The following ATRNL1 variants were observed in gnomAD, a reference collection of about 807,000 sequenced individuals.
ATRNL1 encodes the protein attractin-like protein 1.
ATRNL1 carries 95 observed loss-of-function variants against 182.7 expected under a neutral mutation model. The observed-to-expected ratio is 0.52, with a 90% confidence interval of 0.44 to 0.62. ATRNL1 has a LOEUF of 0.62. Ranked by LOEUF, ATRNL1 falls within the 20% of genes least tolerant of loss-of-function variation. ATRNL1 has a pLI of 0.00. For synonymous variants in ATRNL1, 576 were observed against 568.3 expected (o/e 1.01, Z -0.19); for missense variants, 1,471 against 1,679.5 (o/e 0.88, Z 2.17).
At chr10:115,761,959 G>A (rs1019353630) in intron 27 of ATRNL1, among the ~76,000 whole-genome samples, 6 of 152,006 alleles carry the variant, frequency 3.9e-5, no homozygotes, top group South Asian at 2.1e-4. Context: ...TTACCCACAA[G>A]GGCTCTTTTC....
intron 19 of ATRNL1, among the ~76,000 whole-genome samples, chr10:115,355,415 T>C (rs1261160345): frequency 6.6e-6 from 1 of 152,162 alleles, no homozygotes; most frequent in Non-Finnish European, 1.5e-5. Flanking sequence ...GTACATAGCC[T>C]GGGTAGACTT....
At chr10:115,656,688 C>A (rs782217602) in intron 26 of ATRNL1, among the ~76,000 whole-genome samples, 7 of 152,160 alleles carry the variant, frequency 4.6e-5, no homozygotes, top group African/African-American at 1.7e-4. Flanking sequence ...TATAGTCATG[C>A]AAGTGTATGG....
At chr10:115,773,184 A>C (rs1949036906) in intron 27 of ATRNL1, among the ~76,000 whole-genome samples, 1 of 152,226 alleles carries the variant, frequency 6.6e-6, no homozygotes, top group Non-Finnish European at 1.5e-5. Context: ...AGGGAAGTGC[A>C]CATTGTATAT....
intron 26 of ATRNL1, among the ~76,000 whole-genome samples, chr10:115,602,885 C>T (rs1856684037): frequency 6.6e-6 from 1 of 150,694 alleles, no homozygotes; most frequent in Non-Finnish European, 1.5e-5. Context: ...ATCACAAGTC[C>T]AGTCCCAAAT....
chr10:115,114,798 A>T (rs1232939968), intron 1 of ATRNL1, among the ~76,000 whole-genome samples: 2 of 152,120 alleles, frequency 1.3e-5, no homozygotes, highest in African/African-American at 4.8e-5. Flanking sequence ...GGGAAAGTAA[A>T]TTAGTACAGC....
chr10:115,292,760 A>G (rs1852979596), intron 15 of ATRNL1, among the ~76,000 whole-genome samples: 1 of 152,052 alleles, frequency 6.6e-6, no homozygotes, highest in African/African-American at 2.4e-5. Flanking sequence ...ATTTGTTGAT[A>G]TTTGCTTTGT....
chr10:115,801,921 A>G (rs1949801985), intron 27 of ATRNL1, among the ~76,000 whole-genome samples: 1 of 151,796 alleles, frequency 6.6e-6, no homozygotes, highest in Non-Finnish European at 1.5e-5. Context: ...AACTTAAATT[A>G]TTATGTAGTG....
At chr10:115,844,016 G>A (rs1950871403) in intron 27 of ATRNL1, among the ~76,000 whole-genome samples, 1 of 152,074 alleles carries the variant, frequency 6.6e-6, no homozygotes, top group Admixed American at 6.6e-5. Flanking sequence ...TCATCGGGTA[G>A]GTATTGACAT....
chr10:115,798,371 G>T (rs1407713483), intron 27 of ATRNL1, among the ~76,000 whole-genome samples: 2 of 152,104 alleles, frequency 1.3e-5, no homozygotes, highest in Non-Finnish European at 2.9e-5. Context: ...CTAACTTCCT[G>T]CCTCAAAGCT....
chr10:115,796,581 G>A (rs1949659526), intron 27 of ATRNL1, among the ~76,000 whole-genome samples: 1 of 152,166 alleles, frequency 6.6e-6, no homozygotes, highest in East Asian at 1.9e-4. Context: ...GAGGTAGGTA[G>A]CAGTGCAATA....
chr10:115,161,095 T>C (rs1199853831), intron 6 of ATRNL1, among the ~76,000 whole-genome samples: 2 of 151,966 alleles, frequency 1.3e-5, no homozygotes, highest in South Asian at 2.1e-4. Context: ...TAACAAAAAA[T>C]TGTTTGTTGT....
intron 8 of ATRNL1, among the ~76,000 whole-genome samples, chr10:115,194,271 T>C (rs1242453350): frequency 1.3e-5 from 2 of 152,090 alleles, no homozygotes; most frequent in Admixed American, 6.6e-5. Context: ...CTGGATGATC[T>C]GTCCAATCCT....
At chr10:115,825,078 A>C (rs143654850) in intron 27 of ATRNL1, among the ~76,000 whole-genome samples, 2 of 152,216 alleles carry the variant, frequency 1.3e-5, no homozygotes, top group East Asian at 1.9e-4. Context: ...GGATGAGTTC[A>C]TGTCCTTTGC....
chr10:115,928,199 A>T (rs1237289784), intron 28 of ATRNL1, among the ~76,000 whole-genome samples: 1 of 152,076 alleles, frequency 6.6e-6, no homozygotes, highest in Non-Finnish European at 1.5e-5. Context: ...AGAAAGAGTA[A>T]AGAAAACTGA....
Position 115,265,175 on chromosome 10 carries a change from C to A in ATRNL1, c.1688-18C>A. ...TTCTTTTATTTCATTTTTTGTTTTT[C>A]TGTTTTCTTTTTTCTAGCTTGTGAT... On this transcript the variant is annotated intron_variant, in intron 10 of 28. Coordinates refer to ENST00000355044, the MANE Select transcript of ATRNL1 (RefSeq NM_207303.4). 6.7e-7 allele frequency: 1 copy of A among 1,502,296 alleles called. No homozygotes were observed. Among genetic ancestry groups the A allele is most frequent in the South Asian group, 1.2e-5 (1 of 82,776 alleles). 93.1% of individuals were successfully genotyped at this position (1,502,296 alleles called of 1,614,324 possible). A position where few individuals can be genotyped will look rare whatever the true frequency, so the allele number is the denominator to read the frequency against.
chr10:115,418,735 A>G (rs1237321054), intron 20 of ATRNL1, among the ~76,000 whole-genome samples: 1 of 152,200 alleles, frequency 6.6e-6, no homozygotes, highest in African/African-American at 2.4e-5. Flanking sequence ...GAGATCTAAT[A>G]TAACTGGCAG....
intron 19 of ATRNL1, among the ~76,000 whole-genome samples, chr10:115,345,455 G>A (rs7081522): frequency 0.99 from 151,071 of 152,300 alleles, 74,939 homozygotes; most frequent in Middle Eastern, 1. Flanking sequence ...TTTCCTCCCC[G>A]TATACTGCCA....
At chr10:115,384,437 A>G (rs542992532) in intron 19 of ATRNL1, among the ~76,000 whole-genome samples, 1 of 152,126 alleles carries the variant, frequency 6.6e-6, no homozygotes, top group South Asian at 2.1e-4. Flanking sequence ...GGTCACAAAT[A>G]TAAGGGTTTT....
Position 115,947,062 on chromosome 10 carries a change from C to G in ATRNL1, c.*2283C>G, listed in dbSNP as rs897669396. The G allele has an allele frequency of 6.6e-6, 1 of 152,488 alleles. No individual in the cohort carries two copies. Among genetic ancestry groups the G allele is most frequent in the South Asian group, 2.1e-4 (1 of 4,814 alleles). The allele number at this position is 152,488 out of a possible 1,614,324, so 9.4% of individuals were successfully genotyped here. On this transcript the variant is annotated 3_prime_UTR_variant, in exon 29 of 29. Transcript: ENST00000355044. Reference sequence around the variant, plus strand: ...ATGTTTAGTTAAAGTCATGCTATACCTTTCTGGGCCACATATTGCTAACTC... The same window carrying G: ...ATGTTTAGTTAAAGTCATGCTATACGTTTCTGGGCCACATATTGCTAACTC...
Sources: gnomAD v4.1 joint callset for allele counts (sites outside exome capture counted in the v4.1 genomes callset) on GRCh38, gnomAD v4.1.1 for gene constraint, MANE v1.5 for transcripts, NCBI Gene and HGNC (gene_info 2026-07-23, HGNC 2026-07-21) for gene names.